The following NSMCE2 variants were observed in gnomAD, a reference collection of about 807,000 sequenced individuals.
The protein encoded by NSMCE2 is NSE2 SUMO ligase component of SMC5/6 complex, also known as E3 SUMO-protein ligase NSE2.
Under a neutral mutation model 23.8 loss-of-function variants are expected in NSMCE2, and 24 were observed. The ratio of observed to expected loss-of-function variants is 1.01; its 90% CI spans 0.73 to 1.42. The LOEUF is 1.42. Ranked by LOEUF, NSMCE2 falls within the 40% of genes most tolerant of loss-of-function variation. The pLI is 0.00. For synonymous variants in NSMCE2, 92 were observed against 94.1 expected (o/e 0.98, Z 0.13); for missense variants, 284 against 296.5 (o/e 0.96, Z 0.31).
rs114765882 is a variant in NSMCE2, at chr8:125,114,521, C to T, written c.157+12034C>T. ...ATCCATATCCATGTATACATACATACGTACATATGTATATACAGCAGTGGG... is the reference window on the plus strand; with the variant it reads ...ATCCATATCCATGTATACATACATATGTACATATGTATATACAGCAGTGGG... On this transcript the variant is annotated intron_variant, in intron 3 of 7. Coordinates refer to ENST00000287437, the MANE Select transcript of NSMCE2 (RefSeq NM_173685.4). Among the ~76,000 whole-genome samples, 748 of 152,320 alleles carry T rather than the reference C, an allele frequency of 4.9e-3. 5 individuals carry two copies. The highest frequency in any genetic ancestry group is 0.017 in the African/African-American group (708 of 41,568).
intron 5 of NSMCE2, among the ~76,000 whole-genome samples, chr8:125,268,187 T>TCACA (rs1203101359): frequency 6.6e-6 from 1 of 151,190 alleles, no homozygotes; most frequent in Non-Finnish European, 1.5e-5. Context: ...TGAACCATGA[T>TCACA]CACACCACTG....
At chr8:125,305,155 C>T (rs1828710796) in intron 5 of NSMCE2, among the ~76,000 whole-genome samples, 1 of 152,146 alleles carries the variant, frequency 6.6e-6, no homozygotes, top group African/African-American at 2.4e-5. Flanking sequence ...TTAACTGGTA[C>T]AGAGAATAAT....
At chr8:125,203,126 A>G (rs1023463455) in intron 5 of NSMCE2, among the ~76,000 whole-genome samples, 5 of 151,996 alleles carry the variant, frequency 3.3e-5, no homozygotes, top group Non-Finnish European at 7.4e-5. Context: ...TCCTTTATAG[A>G]TATACATAGA....
chr8:125,210,569 T>C (rs1475194000), intron 5 of NSMCE2, among the ~76,000 whole-genome samples: 4 of 152,180 alleles, frequency 2.6e-5, no homozygotes, highest in African/African-American at 4.8e-5. Context: ...ATCTGCACAA[T>C]GTTAGTCTCT....
chr8:125,363,541 A>AG (rs1491396699), intron 7 of NSMCE2, among the ~76,000 whole-genome samples: 25 of 105,774 alleles, frequency 2.4e-4, no homozygotes, highest in Non-Finnish European at 3.2e-4. Flanking sequence ...AGAAAGAAAG[A>AG]AAGAGAGAGA....
intron 3 of NSMCE2, among the ~76,000 whole-genome samples, chr8:125,146,913 AAAAC>A (rs1295429339): frequency 6.6e-6 from 1 of 152,150 alleles, no homozygotes; most frequent in Non-Finnish European, 1.5e-5. Context: ...AAAACAAAAA[AAAAC>A]AAACTACCTA....
intron 5 of NSMCE2, among the ~76,000 whole-genome samples, chr8:125,192,568 T>C (rs1480642739): frequency 6.6e-6 from 1 of 152,220 alleles, no homozygotes; most frequent in Non-Finnish European, 1.5e-5. Flanking sequence ...GAGCTACTTG[T>C]ATAGAAATGC....
At chr8:125,113,753 A>G (rs922873178) in intron 3 of NSMCE2, among the ~76,000 whole-genome samples, 1 of 152,196 alleles carries the variant, frequency 6.6e-6, no homozygotes, top group Admixed American at 6.5e-5. Flanking sequence ...CCATGTTCAC[A>G]TAGATGATCT....
At position 125,144,670 on chromosome 8, in the gene NSMCE2, C is replaced by CT. The variant is rs879568475; in HGVS notation, c.158-6498dup. Among the ~76,000 whole-genome samples, 67 of 152,214 alleles carry CT rather than the reference C, an allele frequency of 4.4e-4. 2 individuals carry two copies. Among genetic ancestry groups the CT allele is most frequent in the Non-Finnish European group, 6.8e-4 (46 of 68,004 alleles). On this transcript the variant is annotated intron_variant, in intron 3 of 7. Transcript: ENST00000287437. The stretch of plus-strand genomic sequence containing the variant: ...CCTTCCTTTCCTTTCTTAGACGATC[C>CT]TTTCTCCTTCATTTTGCCCCTAGCC...
intron 5 of NSMCE2, among the ~76,000 whole-genome samples, chr8:125,245,264 C>G (rs1299766508): frequency 6.6e-6 from 1 of 152,114 alleles, no homozygotes; most frequent in East Asian, 1.9e-4. Context: ...GCCTGGGCGA[C>G]AGAGTGAGAC....
intron 5 of NSMCE2, among the ~76,000 whole-genome samples, chr8:125,294,767 GT>G (rs1828257767): frequency 6.6e-6 from 1 of 152,206 alleles, no homozygotes; most frequent in Non-Finnish European, 1.5e-5. Flanking sequence ...TGGGAAATTT[GT>G]TTTGCGCTAT....
At chr8:125,269,821 C>T (rs1025276511) in intron 5 of NSMCE2, among the ~76,000 whole-genome samples, 1 of 152,194 alleles carries the variant, frequency 6.6e-6, no homozygotes, top group African/African-American at 2.4e-5. Flanking sequence ...AAGTTAATTG[C>T]TCAAGAGCCT....
At chr8:125,323,010 G>C (rs1199852219) in intron 5 of NSMCE2, among the ~76,000 whole-genome samples, 1 of 152,174 alleles carries the variant, frequency 6.6e-6, no homozygotes, top group Non-Finnish European at 1.5e-5. Flanking sequence ...AGTGAGCCAA[G>C]ATCATGCTGC....
chr8:125,339,053 T>C (rs1830152181), intron 5 of NSMCE2, among the ~76,000 whole-genome samples: 1 of 152,214 alleles, frequency 6.6e-6, no homozygotes, highest in Admixed American at 6.5e-5. Context: ...TGTTCTATGT[T>C]GGTAATTCAC....
At chr8:125,117,659 G>C (rs1268290903) in intron 3 of NSMCE2, among the ~76,000 whole-genome samples, 1 of 152,090 alleles carries the variant, frequency 6.6e-6, no homozygotes, top group Non-Finnish European at 1.5e-5. Flanking sequence ...GGGACCAGAG[G>C]CGTGCACCAC....
chr8:125,116,975 C>T (rs895110064), intron 3 of NSMCE2, among the ~76,000 whole-genome samples: 1 of 151,240 alleles, frequency 6.6e-6, no homozygotes, highest in African/African-American at 2.4e-5. Context: ...GCAACCTCCA[C>T]CTCCTGGGTT....
chr8:125,247,480 T>C (rs924633330), intron 5 of NSMCE2, among the ~76,000 whole-genome samples: 1 of 152,144 alleles, frequency 6.6e-6, no homozygotes, highest in Non-Finnish European at 1.5e-5. Flanking sequence ...ATCCCAGCAC[T>C]TGGGGAGCCC....
intron 5 of NSMCE2, among the ~76,000 whole-genome samples, chr8:125,312,158 G>A (rs996533533): frequency 2.0e-5 from 3 of 150,938 alleles, no homozygotes; most frequent in Non-Finnish European, 3.0e-5. Flanking sequence ...TAGAAATAAT[G>A]AACTCTCTGA....
Position 125,312,959 on chromosome 8 carries a change from G to A in NSMCE2, c.419-44260G>A, listed in dbSNP as rs375799206. On this transcript the variant is annotated intron_variant, in intron 5 of 7. Transcript: ENST00000287437. ...ACAGAAAGCACATATCACATGCAAA[G>A]GCCCTGGGGCTAGAGTGAATTTGAT... 2.4e-4 allele frequency among the ~76,000 whole-genome samples: 36 copies of A among 152,242 alleles called. 1 individual carries two copies. In the South Asian group the frequency reaches 6.8e-3, roughly 29 times the overall value.
Sources: gnomAD v4.1 joint callset for allele counts (sites outside exome capture counted in the v4.1 genomes callset) on GRCh38, gnomAD v4.1.1 for gene constraint, MANE v1.5 for transcripts, NCBI Gene and HGNC (gene_info 2026-07-23, HGNC 2026-07-21) for gene names.